ALK: variants seen among roughly 807,000 people sequenced by gnomAD.
The protein encoded by ALK is ALK receptor tyrosine kinase, also known as ALK tyrosine kinase receptor.
In ALK, 74 loss-of-function variants were observed where a neutral mutation model predicts 163.1. That is an observed-to-expected ratio of 0.45 (90% CI 0.38 to 0.55). The LOEUF (loss-of-function observed/expected upper bound fraction) is 0.55. Ranked by LOEUF, ALK falls within the 20% of genes least tolerant of loss-of-function variation. ALK has a pLI of 0.00. For synonymous variants in ALK, 960 were observed against 843.2 expected, an observed-to-expected ratio of 1.14 and a Z score of -2.40; for missense variants, 2,063 against 2,105.3, an observed-to-expected ratio of 0.98 and a Z score of 0.39.
At chr2:29,594,444 T>G (rs921438866) in intron 3 of ALK, among the ~76,000 whole-genome samples, 1 of 151,232 alleles carries the variant, frequency 6.6e-6, no homozygotes, top group Admixed American at 6.6e-5. Context: ...TTTTTTTTTT[T>G]TTGAGATGGA....
At chr2:29,885,051 G>A (rs949553707) in intron 1 of ALK, among the ~76,000 whole-genome samples, 2 of 152,194 alleles carry the variant, frequency 1.3e-5, no homozygotes, top group Non-Finnish European at 2.9e-5. Flanking sequence ...AGAGAAAAGC[G>A]ACAGGTTTGG....
At chr2:29,263,303 C>T (rs535646066) in intron 11 of ALK, among the ~76,000 whole-genome samples, 4 of 152,308 alleles carry the variant, frequency 2.6e-5, no homozygotes, top group South Asian at 2.1e-4. Flanking sequence ...GAGAGGCAAA[C>T]GTGTGGGAAG....
Position 29,804,595 on chromosome 2 carries a change from C to T in ALK, c.668-86898G>A, listed in dbSNP as rs571044845. On this transcript the variant is annotated intron_variant, in intron 1 of 28. Coordinates refer to ENST00000389048, the MANE Select transcript of ALK (RefSeq NM_004304.5). ...ACCTGGCGGCCGTGGAGGCCTGTGA[C>T]TCCCACTCTACCTCCATTGCCTTCC... 5.2e-4 allele frequency among the ~76,000 whole-genome samples: 79 copies of T among 152,364 alleles called. 2 individuals carry two copies. In the South Asian group the frequency reaches 0.015, roughly 29 times the overall value.
chr2:29,794,908 T>C lies in ALK; in HGVS notation c.668-77211A>G, dbSNP rs141415762. On this transcript the variant is annotated intron_variant, in intron 1 of 28. Coordinates refer to ENST00000389048, the MANE Select transcript of ALK (RefSeq NM_004304.5). ...AAGGAAACACATGCTGTTGGAAACA[T>C]GGTGCTGACAGACTCTTTCCAAGCA... Among the ~76,000 whole-genome samples the C allele has an allele frequency of 1.9e-3, 282 of 152,244 alleles. 5 individuals carry two copies. The highest frequency in any genetic ancestry group is 6.6e-3 in the African/African-American group (275 of 41,546).
intron 4 of ALK, among the ~76,000 whole-genome samples, chr2:29,472,263 C>G (rs1252297580): frequency 1.3e-5 from 2 of 152,234 alleles, no homozygotes; most frequent in Admixed American, 6.5e-5. Flanking sequence ...TCCTCAACTT[C>G]AAGTCTTCCA....
chr2:29,683,831 T>C (rs1678153490), intron 3 of ALK, among the ~76,000 whole-genome samples: 1 of 152,218 alleles, frequency 6.6e-6, no homozygotes, highest in African/African-American at 2.4e-5. Flanking sequence ...GCTGGTTGAC[T>C]GCTGTCAGGC....
chr2:29,565,419 C>G (rs1674150509), intron 3 of ALK, among the ~76,000 whole-genome samples: 1 of 152,136 alleles, frequency 6.6e-6, no homozygotes, highest in South Asian at 2.1e-4. Context: ...AAAGGAAGCT[C>G]ACAGTTATTG....
chr2:29,210,963 G>C lies in ALK; in HGVS notation c.3744-1085C>G, dbSNP rs1432768655. Among the ~76,000 whole-genome samples, 3 of 152,268 alleles carry C rather than the reference G, an allele frequency of 2.0e-5. No homozygotes were observed. The South Asian group carries it at 6.2e-4, about 32-fold the overall frequency. ...GAAGGATACAGCCAGAAGAAGTCTGGGATGGGTCTCTAATAATATTAAGGT... is the reference window on the plus strand; with the variant it reads ...GAAGGATACAGCCAGAAGAAGTCTGCGATGGGTCTCTAATAATATTAAGGT... On this transcript the variant is annotated intron_variant, in intron 24 of 28. Coordinates refer to ENST00000389048, the MANE Select transcript of ALK (RefSeq NM_004304.5).
chr2:29,268,517 C>T (rs900081504), intron 11 of ALK, among the ~76,000 whole-genome samples: 2 of 152,102 alleles, frequency 1.3e-5, no homozygotes, highest in African/African-American at 4.8e-5. Flanking sequence ...AGCCCCAGGC[C>T]CCTGCATAGG....
chr2:29,252,722 G>A (rs1664851090), intron 11 of ALK, among the ~76,000 whole-genome samples: 1 of 152,064 alleles, frequency 6.6e-6, no homozygotes, highest in South Asian at 2.1e-4. Flanking sequence ...TTTTGCAAAG[G>A]AAGATGTTTA....
At chr2:29,412,638 A>C (rs1013244688) in intron 4 of ALK, among the ~76,000 whole-genome samples, 6 of 152,204 alleles carry the variant, frequency 3.9e-5, no homozygotes, top group Non-Finnish European at 7.3e-5. Flanking sequence ...AGCTGCCTTC[A>C]CATCAGCATA....
chr2:29,561,830 G>A (rs765690442), intron 3 of ALK, among the ~76,000 whole-genome samples: 1 of 152,156 alleles, frequency 6.6e-6, no homozygotes, highest in East Asian at 1.9e-4. Flanking sequence ...GGCCGGGCAT[G>A]GGGGGTAGTG....
At chr2:29,521,424 G>A (rs1446315493) in intron 4 of ALK, among the ~76,000 whole-genome samples, 1 of 152,160 alleles carries the variant, frequency 6.6e-6, no homozygotes, top group Non-Finnish European at 1.5e-5. Context: ...GCTTACTGAT[G>A]TAAGATTCTC....
At chr2:29,244,129 A>G (rs775341291) in intron 12 of ALK, among the ~76,000 whole-genome samples, 2 of 152,190 alleles carry the variant, frequency 1.3e-5, no homozygotes, top group Non-Finnish European at 2.9e-5. Flanking sequence ...CTTGCGGGAG[A>G]GAGTGGACTG....
At chr2:29,248,403 C>T (rs755271997) in intron 12 of ALK, among the ~76,000 whole-genome samples, 1 of 152,182 alleles carries the variant, frequency 6.6e-6, no homozygotes, top group Non-Finnish European at 1.5e-5. Context: ...GCGGAAGTTG[C>T]AGTGAGCTGA....
chr2:29,413,914 C>T (rs1359323099), intron 4 of ALK, among the ~76,000 whole-genome samples: 1 of 152,214 alleles, frequency 6.6e-6, no homozygotes, highest in Non-Finnish European at 1.5e-5. Flanking sequence ...ACCCACCCAC[C>T]TCGACCTCCC....
chr2:29,863,955 C>T (rs1437700408), intron 1 of ALK, among the ~76,000 whole-genome samples: 1 of 152,190 alleles, frequency 6.6e-6, no homozygotes, highest in Non-Finnish European at 1.5e-5. Flanking sequence ...TCCCAACAGC[C>T]TGTCGTGCAT....
chr2:29,814,243 G>A (rs919091287), intron 1 of ALK, among the ~76,000 whole-genome samples: 2 of 152,190 alleles, frequency 1.3e-5, no homozygotes, highest in Non-Finnish European at 2.9e-5. Flanking sequence ...ATGCTGCACT[G>A]TAAGTGGTGG....
intron 23 of ALK, among the ~76,000 whole-genome samples, chr2:29,216,734 TTG>T (rs557227524): frequency 2.1e-4 from 31 of 147,946 alleles, no homozygotes; most frequent in African/African-American, 7.5e-4. Flanking sequence ...GTATATGTGT[TTG>T]TGTTTTGTGT....
Sources: gnomAD v4.1 joint callset for allele counts (sites outside exome capture counted in the v4.1 genomes callset) on GRCh38, gnomAD v4.1.1 for gene constraint, MANE v1.5 for transcripts, NCBI Gene and HGNC (gene_info 2026-07-23, HGNC 2026-07-21) for gene names.